KCNK18: variants seen among roughly 807,000 people sequenced by gnomAD.
KCNK18 encodes the protein potassium channel subfamily K member 18.
In KCNK18, 8 loss-of-function variants were observed where a neutral mutation model predicts 11.8. The observed-to-expected ratio is 0.68, with a 90% confidence interval of 0.40 to 1.22. KCNK18 has a LOEUF of 1.22. KCNK18 is among the 50% of genes most tolerant of loss of function. The probability of loss-of-function intolerance (pLI) is 0.01; values close to 1 mark genes in which losing one functional copy is unlikely to be tolerated. For synonymous variants in KCNK18, 208 were observed against 185.8 expected (o/e 1.12, Z -0.97); for missense variants, 442 against 465.4 (o/e 0.95, Z 0.46).
At chr10:117,199,354 A>G (rs1291586282) in intron 1 of KCNK18, among the ~76,000 whole-genome samples, 2 of 152,146 alleles carry the variant, frequency 1.3e-5, no homozygotes, top group Non-Finnish European at 1.5e-5. Context: ...TTATCAGGTG[A>G]TTCCAATGCA....
At chr10:117,206,185 T>C (rs991176594) in intron 2 of KCNK18, among the ~76,000 whole-genome samples, 2 of 152,042 alleles carry the variant, frequency 1.3e-5, no homozygotes, top group Non-Finnish European at 2.9e-5. Flanking sequence ...CGAAATCAGT[T>C]TTACTGATTT....
intron 1 of KCNK18, among the ~76,000 whole-genome samples, chr10:117,199,690 G>A (rs1258986049): frequency 2.0e-5 from 3 of 152,208 alleles, no homozygotes; most frequent in Non-Finnish European, 4.4e-5. Flanking sequence ...TCTCTGATGG[G>A]GAAACTGAGG....
In KCNK18 at chr10:117,201,290, A is replaced by G; in HGVS notation, c.352+3A>G. The G allele has an allele frequency of 6.2e-7, 1 of 1,612,804 alleles. No homozygotes were observed. The highest frequency in any genetic ancestry group is 8.5e-7 in the Non-Finnish European group (1 of 1,179,978). On this transcript the variant is annotated splice_donor_region_variant and intron_variant, in intron 2 of 2. Transcript: ENST00000334549. The stretch of plus-strand genomic sequence containing the variant: ...CTGCACGGTGTTCAGCACCGTGGGT[A>G]AGTGCAAAGCCACAGTCCCCCTCAC...
rs989178102 is a variant in KCNK18 at position 117,209,567 on chromosome 10, C to T, written c.423C>T (p.Ile141=). Residue 141 remains isoleucine (I), a synonymous_variant, in exon 3 of 3, where the codon ATC becomes ATT. Transcript: ENST00000334549. ...YLCMLYALFG[I]PLMFLVLTDT... ...GCATGCTCTATGCTCTCTTTGGTAT[C>T]CCCCTGATGTTCCTCGTTCTCACGG... The T allele has an allele frequency of 8.7e-6, 14 of 1,614,086 alleles. No individual in the cohort carries two copies. The highest frequency in any genetic ancestry group is 2.2e-5 in the East Asian group (1 of 44,874).
chr10:117,200,738 G>A (rs1420392554), intron 1 of KCNK18, among the ~76,000 whole-genome samples: 1 of 150,936 alleles, frequency 6.6e-6, no homozygotes. Flanking sequence ...CTTGAACCAG[G>A]GAGGTGGAGG....
intron 2 of KCNK18, among the ~76,000 whole-genome samples, chr10:117,205,574 A>G (rs1297121566): frequency 2.6e-5 from 4 of 152,144 alleles, no homozygotes; most frequent in Admixed American, 2.6e-4. Context: ...AATCCAAACC[A>G]TCCTCCTGTC....
intron 1 of KCNK18, among the ~76,000 whole-genome samples, chr10:117,198,194 G>A (rs1212831423): frequency 2.0e-5 from 3 of 152,112 alleles, no homozygotes; most frequent in Non-Finnish European, 4.4e-5. Flanking sequence ...ATTCCAGCAG[G>A]AGCACCTGCC....
At chr10:117,202,544 G>C (rs1038994592) in intron 2 of KCNK18, among the ~76,000 whole-genome samples, 2 of 152,198 alleles carry the variant, frequency 1.3e-5, no homozygotes, top group African/African-American at 2.4e-5. Context: ...AGGCCACCAA[G>C]GTCCACAGTC....
At chr10:117,203,169 G>A (rs1855035367) in intron 2 of KCNK18, among the ~76,000 whole-genome samples, 1 of 151,918 alleles carries the variant, frequency 6.6e-6, no homozygotes, top group African/African-American at 2.4e-5. Context: ...GAGACACCGC[G>A]CCTGGCCTTG....
At chr10:117,207,375 T>C (rs1475338811) in intron 2 of KCNK18, among the ~76,000 whole-genome samples, 1 of 152,198 alleles carries the variant, frequency 6.6e-6, no homozygotes, top group Non-Finnish European at 1.5e-5. Context: ...GGTCTGCTCT[T>C]TCACTTCCTG....
Position 117,209,702 on chromosome 10 carries a change from C to T in KCNK18, c.558C>T (p.Phe186=). The change falls in exon 3 of 3, where the codon TTC becomes TTT. Residue 186 remains phenylalanine, a synonymous_variant. Transcript: ENST00000334549. ...CCAAGTGGTGCCCCAAATCTCTCTT[C>T]AAGAAAAAACCGGACCCCAAGCCCG... ...LLSKWCPKSL[F]KKKPDPKPAD... is the part of the protein sequence containing the mutation. 5 of 1,613,938 alleles carry T rather than the reference C, an allele frequency of 3.1e-6. No individual in the cohort carries two copies. Among genetic ancestry groups the T allele is most frequent in the Non-Finnish European group, 4.2e-6 (5 of 1,179,844 alleles).
chr10:117,202,267 G>T (rs915348771), intron 2 of KCNK18, among the ~76,000 whole-genome samples: 1 of 152,214 alleles, frequency 6.6e-6, no homozygotes, highest in African/African-American at 2.4e-5. Flanking sequence ...TCTGAGCCTT[G>T]TACTGGGACC....
Position 117,201,174 on chromosome 10 carries a change from A to G in KCNK18, c.239A>G (p.Lys80Arg). Residue 80 changes from lysine (K) to arginine (R), a missense_variant, in exon 2 of 3, where the codon AAA (lysine) becomes AGA (arginine). By Grantham distance (26) the Lys-to-Arg change is conservative. Coordinates refer to ENST00000334549, the MANE Select transcript of KCNK18 (RefSeq NM_181840.1). ...NCSETVVEDR[K>R]QDLQGHLQKV... is the part of the protein sequence containing the mutation. ...CTTTCTCCAGTGGTGGAAGACAGAA[A>G]ACAGGATCTCCAGGGGCATCTGCAG... is the stretch of plus-strand genomic sequence containing the variant. 6.2e-7 allele frequency: 1 copy of G among 1,614,178 alleles called. No homozygotes were observed. Among genetic ancestry groups the G allele is most frequent in the Non-Finnish European group, 8.5e-7 (1 of 1,180,028 alleles).
chr10:117,202,434 G>T (rs1160068953), intron 2 of KCNK18, among the ~76,000 whole-genome samples: 3 of 152,236 alleles, frequency 2.0e-5, no homozygotes, highest in Non-Finnish European at 4.4e-5. Flanking sequence ...CCAGTGTGAG[G>T]ACAGCTCTAG....
intron 2 of KCNK18, among the ~76,000 whole-genome samples, chr10:117,202,046 G>A (rs900419736): frequency 2.6e-5 from 4 of 152,354 alleles, no homozygotes; most frequent in South Asian, 2.1e-4. Flanking sequence ...CACCAGGAGC[G>A]TGGCCCATCA....
At chr10:117,209,379 A>G in intron 2 of KCNK18, 118 bp from the exon 3 acceptor site, 6 of 904,150 alleles carry the variant, frequency 6.6e-6, no homozygotes, top group South Asian at 6.5e-5. Flanking sequence ...GTATTTTCAA[A>G]AACAATGTGT....
At chr10:117,197,786 T>C (rs945116145) in intron 1 of KCNK18, 75 bp downstream of exon 1, 1 of 1,342,078 alleles carries the variant, frequency 7.5e-7, no homozygotes, top group Non-Finnish European at 1.1e-6. Flanking sequence ...AGGGCTGCCT[T>C]CTAGGAGGCT....
chr10:117,199,946 C>T (rs1216766004), intron 1 of KCNK18, among the ~76,000 whole-genome samples: 1 of 152,210 alleles, frequency 6.6e-6, no homozygotes, highest in Admixed American at 6.5e-5. Context: ...AACCAGGGTT[C>T]CCAACCCTGC....
At chr10:117,200,060 T>C (rs1005152716) in intron 1 of KCNK18, among the ~76,000 whole-genome samples, 4 of 152,200 alleles carry the variant, frequency 2.6e-5, no homozygotes, top group African/African-American at 4.8e-5. Context: ...GATGGTATGA[T>C]GATCAAACTC....
Sources: allele counts gnomAD v4.1 joint callset (sites outside exome capture counted in the v4.1 genomes callset), GRCh38; gene constraint gnomAD v4.1.1; transcripts MANE v1.5; gene names NCBI Gene and HGNC (gene_info 2026-07-23, HGNC 2026-07-21).